CSMD3: variants seen among roughly 807,000 people sequenced by gnomAD.
CSMD3 encodes CUB and sushi domain-containing protein 3.
In CSMD3, 177 loss-of-function variants were observed where a neutral mutation model predicts 435.2. The observed-to-expected ratio is 0.41, with a 90% CI of 0.36 to 0.46. CSMD3 has a LOEUF of 0.46. Among genes scored for constraint, CSMD3 ranks in the 20% least tolerant of loss-of-function variants. The probability of loss-of-function intolerance (pLI) is 0.34; values close to 1 mark genes in which losing one functional copy is unlikely to be tolerated. For synonymous variants in CSMD3, 1,656 were observed against 1,520.5 expected, an observed-to-expected ratio of 1.09 and a Z score of -2.07; for missense variants, 4,265 against 4,504.6, an observed-to-expected ratio of 0.95 and a Z score of 1.52.
chr8:112,637,122 G>GT, intron 21 of CSMD3, 117 bp from the exon 22 acceptor site: 1 of 796,038 alleles, frequency 1.3e-6, no homozygotes, highest in South Asian at 1.4e-5. Flanking sequence ...TATTTAGAAG[G>GT]GACTATATGA....
intron 1 of CSMD3, among the ~76,000 whole-genome samples, chr8:113,338,351 G>C (rs1001062653): frequency 6.6e-6 from 1 of 151,826 alleles, no homozygotes; most frequent in Non-Finnish European, 1.5e-5. Flanking sequence ...ATTATACATA[G>C]AGTACCATCT....
chr8:112,544,462 T>C (rs545427326), intron 27 of CSMD3, among the ~76,000 whole-genome samples: 1 of 152,272 alleles, frequency 6.6e-6, no homozygotes, highest in South Asian at 2.1e-4. Context: ...AATAATAGTG[T>C]TTCATTTAAT....
intron 10 of CSMD3, among the ~76,000 whole-genome samples, chr8:112,910,585 T>C (rs2082382980): frequency 6.6e-6 from 1 of 151,828 alleles, no homozygotes; most frequent in African/African-American, 2.4e-5. Flanking sequence ...CTTAACCTCC[T>C]AGGACTGTAA....
At chr8:112,901,302 T>G (rs1250454788) in intron 10 of CSMD3, among the ~76,000 whole-genome samples, 3 of 151,208 alleles carry the variant, frequency 2.0e-5, no homozygotes, top group Admixed American at 1.3e-4. Context: ...AAATACAACA[T>G]TAAAAGATCT....
chr8:112,700,998 T>C (rs1259560970), intron 13 of CSMD3, among the ~76,000 whole-genome samples: 4 of 152,176 alleles, frequency 2.6e-5, no homozygotes, highest in African/African-American at 9.7e-5. Context: ...TGTGAGGCTG[T>C]GGCCAGCTCA....
intron 1 of CSMD3, among the ~76,000 whole-genome samples, chr8:113,364,757 T>A (rs1563748779): frequency 6.6e-6 from 1 of 152,094 alleles, no homozygotes; most frequent in Non-Finnish European, 1.5e-5. Context: ...TTGTTGTGGC[T>A]GCGTTACTCA....
chr8:113,044,361 A>G (rs1270354781), intron 5 of CSMD3, among the ~76,000 whole-genome samples: 2 of 131,922 alleles, frequency 1.5e-5, no homozygotes, highest in Non-Finnish European at 3.7e-5. Flanking sequence ...CAGTGTCTAG[A>G]ACAGTCCATA....
chr8:112,610,262 T>C (rs1181071454), intron 22 of CSMD3, among the ~76,000 whole-genome samples: 1 of 152,060 alleles, frequency 6.6e-6, no homozygotes, highest in African/African-American at 2.4e-5. Context: ...GATGTATAAT[T>C]AAAACATTAC....
At chr8:113,105,312 A>ACATTC (rs2090443560) in intron 4 of CSMD3, among the ~76,000 whole-genome samples, 2 of 152,144 alleles carry the variant, frequency 1.3e-5, no homozygotes, top group African/African-American at 2.4e-5. Flanking sequence ...CTAAGGAGAT[A>ACATTC]CATTCCGGAC....
chr8:113,148,948 C>T (rs2091742085), intron 4 of CSMD3, among the ~76,000 whole-genome samples: 1 of 151,750 alleles, frequency 6.6e-6, no homozygotes, highest in South Asian at 2.1e-4. Context: ...CACACACATA[C>T]ATATATACAT....
intron 22 of CSMD3, among the ~76,000 whole-genome samples, chr8:112,612,297 T>A (rs1444364797): frequency 6.6e-6 from 1 of 152,160 alleles, no homozygotes; most frequent in East Asian, 1.9e-4. Context: ...TGCATGGATG[T>A]AAATAAAAAA....
At chr8:112,323,450 T>A (rs1349667175) in intron 45 of CSMD3, among the ~76,000 whole-genome samples, 2 of 152,020 alleles carry the variant, frequency 1.3e-5, no homozygotes, top group East Asian at 3.9e-4. Flanking sequence ...TGAAATAGGG[T>A]TGTTGCAGAC....
chr8:112,602,947 T>C (rs941297425), intron 22 of CSMD3, among the ~76,000 whole-genome samples: 1 of 152,160 alleles, frequency 6.6e-6, no homozygotes, highest in African/African-American at 2.4e-5. Context: ...AAAGTCTTGC[T>C]CTGTCATACA....
intron 1 of CSMD3, among the ~76,000 whole-genome samples, chr8:113,361,710 T>C (rs1375988376): frequency 3.2e-5 from 1 of 31,390 alleles, no homozygotes; most frequent in Non-Finnish European, 5.4e-5. Flanking sequence ...AATTTATACA[T>C]GTGAAATTGT....
intron 32 of CSMD3, among the ~76,000 whole-genome samples, chr8:112,468,235 T>G (rs886644160): frequency 0.34 from 25,415 of 75,388 alleles, 2,573 homozygotes; most frequent in East Asian, 0.38. Flanking sequence ...GCCTAAAGTA[T>G]TTTTTTTTTT....
intron 10 of CSMD3, among the ~76,000 whole-genome samples, chr8:112,902,093 TTGA>T (rs1443742122): frequency 6.6e-6 from 1 of 151,320 alleles, no homozygotes; most frequent in Non-Finnish European, 1.5e-5. Context: ...CCCCATGACC[TTGA>T]TGACTTTTTT....
At chr8:113,340,626 G>C (rs1563721408) in intron 1 of CSMD3, among the ~76,000 whole-genome samples, 4 of 152,052 alleles carry the variant, frequency 2.6e-5, no homozygotes. Context: ...TGTAATCCCA[G>C]CACTTTGAGA....
chr8:112,614,270 T>A (rs2131484123), intron 22 of CSMD3, among the ~76,000 whole-genome samples: 1 of 152,152 alleles, frequency 6.6e-6, no homozygotes, highest in Non-Finnish European at 1.5e-5. Context: ...ACCACTCCAT[T>A]TCCACTTTTG....
intron 6 of CSMD3, among the ~76,000 whole-genome samples, chr8:112,988,694 C>A (rs1285859251): frequency 6.6e-6 from 1 of 151,984 alleles, no homozygotes; most frequent in Non-Finnish European, 1.5e-5. Flanking sequence ...TCTTGCAAGT[C>A]GTCTTTTTTC....
Sources: allele counts gnomAD v4.1 joint callset (sites outside exome capture counted in the v4.1 genomes callset), GRCh38; gene constraint gnomAD v4.1.1; transcripts MANE v1.5; gene names NCBI Gene and HGNC (gene_info 2026-07-23, HGNC 2026-07-21).